SSR3: variants seen among roughly 807,000 people sequenced by gnomAD.
SSR3 encodes translocon-associated protein subunit gamma.
In SSR3, 10 loss-of-function variants were observed where a neutral mutation model predicts 22.1. The observed-to-expected ratio is 0.45, with a 90% CI of 0.28 to 0.77. The LOEUF is 0.77. Among genes scored for constraint, SSR3 ranks in the 30% least tolerant of loss-of-function variants. The pLI is 0.13. For synonymous variants in SSR3, 104 were observed against 82.5 expected, an observed-to-expected ratio of 1.26 and a Z score of -1.42; for missense variants, 181 against 220.5, an observed-to-expected ratio of 0.82 and a Z score of 1.13.
At chr3:156,545,026 T>G (rs1719711592) in intron 3 of SSR3, among the ~76,000 whole-genome samples, 1 of 152,262 alleles carries the variant, frequency 6.6e-6, no homozygotes, top group East Asian at 1.9e-4. Flanking sequence ...TCTATTTTAC[T>G]TGTTCTGATA....
At chr3:156,553,590 ATC>A in intron 2 of SSR3, 63 bp downstream of exon 2, 1 of 1,516,810 alleles carries the variant, frequency 6.6e-7, no homozygotes, top group Non-Finnish European at 8.9e-7. Flanking sequence ...CACACAAATG[ATC>A]TTTAAGAAGA....
At chr3:156,544,078 A>T in intron 4 of SSR3, 1 of 405,792 alleles carries the variant, frequency 2.5e-6, no homozygotes, top group Non-Finnish European at 4.3e-6. Context: ...AGATTCCCAT[A>T]GACTACTTTG....
intron 4 of SSR3, 71 bp downstream of exon 4, chr3:156,544,237 G>C (rs1719677546): frequency 2.1e-6 from 3 of 1,396,236 alleles, no homozygotes; most frequent in Non-Finnish European, 2.8e-6. Flanking sequence ...AAAATATCCA[G>C]ACAAGTCAAA....
intron 1 of SSR3, chr3:156,554,084 T>C (rs1307486369): frequency 1.3e-5 from 3 of 228,234 alleles, no homozygotes; most frequent in Non-Finnish European, 2.6e-5. Flanking sequence ...CAAATTTCAT[T>C]CATCAGGGTA....
Position 156,554,869 on chromosome 3 carries a change from G to T in SSR3, c.133+88C>A, listed in dbSNP as rs1211487303. The stretch of plus-strand genomic sequence containing the variant: ...TTGCCGACCCCCGGCCGGCACCCAC[G>T]CCTTCCCTGCTCGCCGGGTCCTGCC... On this transcript the variant is annotated intron_variant, in intron 1 of 4. Transcript: ENST00000265044. 11 of 1,516,846 alleles carry T rather than the reference G, an allele frequency of 7.3e-6. No individual in the cohort carries two copies. The Admixed American group carries it at 1.4e-4, about 19-fold the overall frequency. 94.0% of individuals were successfully genotyped at this position (1,516,846 alleles called of 1,614,324 possible). A position where few individuals can be genotyped will look rare whatever the true frequency, so the allele number is the denominator to read the frequency against.
intron 4 of SSR3, chr3:156,544,102 TAC>T (rs1390847145): frequency 9.3e-6 from 4 of 429,406 alleles, no homozygotes; most frequent in African/African-American, 8.1e-5. Context: ...TACTTTATCA[TAC>T]AGTCATAATT....
chr3:156,542,142 C>T lies in SSR3; in HGVS notation c.*1061G>A, dbSNP rs546966646. On this transcript the variant is annotated 3_prime_UTR_variant, in exon 5 of 5. Coordinates refer to ENST00000265044, the MANE Select transcript of SSR3 (RefSeq NM_007107.5). ...AAACTTTTTCAAGTCATGGCATACA[C>T]AAGAAATGATATCTGTACATACACG... 6.6e-6 allele frequency: 1 copy of T among 152,230 alleles called. No individual in the cohort carries two copies. The highest frequency in any genetic ancestry group is 1.5e-5 in the Non-Finnish European group (1 of 68,026). 9.4% of individuals were successfully genotyped at this position (152,230 alleles called of 1,614,324 possible).
chr3:156,553,091 C>T (rs1720022589), intron 2 of SSR3, among the ~76,000 whole-genome samples: 1 of 151,348 alleles, frequency 6.6e-6, no homozygotes, highest in Non-Finnish European at 1.5e-5. Context: ...TCAACATGGC[C>T]TGTCTCTACA....
At chr3:156,545,318 G>A (rs1241314078) in intron 3 of SSR3, among the ~76,000 whole-genome samples, 1 of 152,218 alleles carries the variant, frequency 6.6e-6, no homozygotes, top group African/African-American at 2.4e-5. Flanking sequence ...ATCGCACAGA[G>A]TAGGATAATT....
intron 3 of SSR3, among the ~76,000 whole-genome samples, chr3:156,544,967 A>C (rs1344569157): frequency 6.6e-6 from 1 of 152,224 alleles, no homozygotes; most frequent in African/African-American, 2.4e-5. Context: ...AAGAGCGCTT[A>C]ATCATTAGGA....
chr3:156,544,716 C>T (rs534501029), intron 3 of SSR3, among the ~76,000 whole-genome samples: 26 of 152,262 alleles, frequency 1.7e-4, no homozygotes, highest in African/African-American at 6.3e-4. Flanking sequence ...AATGGCAACC[C>T]GCACGGTTTC....
intron 2 of SSR3, chr3:156,551,277 G>C (rs562256859): frequency 6.6e-6 from 1 of 151,970 alleles, no homozygotes; most frequent in Non-Finnish European, 1.5e-5. Context: ...GAAAGGAAAA[G>C]GTAAAAAGAA....
chr3:156,546,264 T>C (rs952464092), intron 3 of SSR3, among the ~76,000 whole-genome samples: 4 of 152,254 alleles, frequency 2.6e-5, no homozygotes, highest in South Asian at 2.1e-4. Flanking sequence ...TCACTCACTC[T>C]CCTGCCACCT....
Position 156,543,108 on chromosome 3 carries a change from A to G in SSR3, c.*95T>C, listed in dbSNP as rs1435091010. 1.9e-6 allele frequency: 2 copies of G among 1,066,114 alleles called. No individual in the cohort carries two copies. Among genetic ancestry groups the G allele is most frequent in the Non-Finnish European group, 2.8e-6 (2 of 713,014 alleles). The allele number at this position is 1,066,114 out of a possible 1,614,324, so 66.0% of individuals were successfully genotyped here. A position where few individuals can be genotyped will look rare whatever the true frequency, so the allele number is the denominator to read the frequency against. On this transcript the variant is annotated 3_prime_UTR_variant, in exon 5 of 5. Transcript: ENST00000265044. ...TTTTTTAAAGGCTCTAGACTATAAA[A>G]ACATCTTGTGTCTCCCACCCTGACC...
intron 4 of SSR3, among the ~76,000 whole-genome samples, chr3:156,543,802 T>C (rs1719657250): frequency 6.6e-6 from 1 of 152,222 alleles, no homozygotes; most frequent in South Asian, 2.1e-4. Flanking sequence ...TAATCACCAA[T>C]TGTTAAAATC....
rs1720042788 is a variant in SSR3, at chr3:156,553,654, C to A, written c.260+1G>T. On this transcript the variant is annotated splice_donor_variant, in intron 2 of 4. Coordinates refer to ENST00000265044, the MANE Select transcript of SSR3 (RefSeq NM_007107.5). LOFTEE classifies it high-confidence loss of function. Reference sequence around the variant, plus strand: ...TACTTTCACTTGAAAAACATACTTACTTGTGCTTGAGAACAAATTTCACAT... The same window carrying A: ...TACTTTCACTTGAAAAACATACTTAATTGTGCTTGAGAACAAATTTCACAT... 1.2e-6 allele frequency: 2 copies of A among 1,610,364 alleles called. No homozygotes were observed. The highest frequency in any genetic ancestry group is 2.7e-5 in the African/African-American group (2 of 74,782).
At chr3:156,553,038 G>C (rs1167653800) in intron 2 of SSR3, among the ~76,000 whole-genome samples, 1 of 137,338 alleles carries the variant, frequency 7.3e-6, no homozygotes, top group East Asian at 2.3e-4. Flanking sequence ...ATGACAGAGA[G>C]TTAAAAAAAA....
intron 2 of SSR3, among the ~76,000 whole-genome samples, chr3:156,553,345 A>G (rs1415945326): frequency 6.6e-6 from 1 of 152,022 alleles, no homozygotes. Flanking sequence ...AAGGAATTAC[A>G]TTTAGCTTCT....
rs1434340416 is a variant in SSR3 at position 156,539,873 on chromosome 3, C to T, written c.*3330G>A. ...TACTGGCAGAGGCCTGATGTCTGCC[C>T]TTTACTGTAACTGCTCAATGCCTTT... On this transcript the variant is annotated 3_prime_UTR_variant, in exon 5 of 5. Coordinates refer to ENST00000265044, the MANE Select transcript of SSR3 (RefSeq NM_007107.5). Among the ~76,000 whole-genome samples the T allele has an allele frequency of 1.3e-5, 2 of 152,162 alleles. No individual in the cohort carries two copies. The highest frequency in any genetic ancestry group is 3.8e-4 in the East Asian group (2 of 5,200).
Sources: gnomAD v4.1 joint callset for allele counts (sites outside exome capture counted in the v4.1 genomes callset) on GRCh38, gnomAD v4.1.1 for gene constraint, MANE v1.5 for transcripts, NCBI Gene and HGNC (gene_info 2026-07-23, HGNC 2026-07-21) for gene names.